Variants in TPR observed in about 807,000 individuals in gnomAD.
TPR encodes translocated promoter region, nuclear basket protein.
Under a neutral mutation model 316.1 loss-of-function variants are expected in TPR, and 51 were observed. The ratio of observed to expected loss-of-function variants is 0.16; its 90% CI spans 0.13 to 0.20. The LOEUF (loss-of-function observed/expected upper bound fraction) is 0.20. Among genes scored for constraint, TPR ranks in the 10% least tolerant of loss-of-function variants. TPR has a pLI of 1.00. For missense variants in TPR, 2,272 were observed against 2,754.8 expected (o/e 0.82, Z 3.92); for synonymous variants, 981 against 914.7 (o/e 1.07, Z -1.31).
intron 17 of TPR, 157 bp from the exon 18 acceptor site, chr1:186,354,007 T>C: frequency 3.4e-6 from 2 of 594,918 alleles, no homozygotes; most frequent in South Asian, 5.5e-5. Flanking sequence ...TTAAGTTGAA[T>C]TCTGCTTAGA....
rs1454058703 is a variant in TPR, at chr1:186,371,049, T to A, written c.257-6A>T. On this transcript the variant is annotated splice_region_variant and splice_polypyrimidine_tract_variant and intron_variant, in intron 2 of 50. Coordinates refer to ENST00000367478, the MANE Select transcript of TPR (RefSeq NM_003292.3). ...TAGTGCCTTCAGTTGATTGTCTGGA[T>A]AAAAGGAATTTTATGAATACATACA... 1 of 1,611,666 alleles carries A rather than the reference T, an allele frequency of 6.2e-7. No homozygotes were observed. Among genetic ancestry groups the A allele is most frequent in the Non-Finnish European group, 8.5e-7 (1 of 1,178,418 alleles).
chr1:186,326,369 G>T, intron 40 of TPR, 134 bp from the exon 41 acceptor site: 1 of 1,343,716 alleles, frequency 7.4e-7, no homozygotes, highest in Non-Finnish European at 1.0e-6. Flanking sequence ...AGTTGTATGG[G>T]ATTAGTACAG....
At position 186,355,806 on chromosome 1, in the gene TPR, C is replaced by T. The variant is rs765786356; in HGVS notation, c.1889-38G>A. The T allele has an allele frequency of 1.0e-5, 16 of 1,605,120 alleles. No individual in the cohort carries two copies. The African/African-American group carries it at 1.8e-4, about 18-fold the overall frequency. On this transcript the variant is annotated intron_variant, in intron 15 of 50. Transcript: ENST00000367478. ...AAAGACTAATAAAATGCTTTGTTGG[C>T]TTTCATAAATCAGCTTTAATCTAAT...
At chr1:186,319,269 G>A (rs1657703816) in intron 46 of TPR, among the ~76,000 whole-genome samples, 1 of 152,142 alleles carries the variant, frequency 6.6e-6, no homozygotes, top group South Asian at 2.1e-4. Context: ...GATTACAAGT[G>A]TGAGCCACTG....
In TPR at chr1:186,312,961, AAATGCTGGCTGC is replaced by A; in HGVS notation, c.*998_*1009del. 1 of 1,503,390 alleles carries A rather than the reference AAATGCTGGCTGC, an allele frequency of 6.7e-7. No homozygotes were observed. Among genetic ancestry groups the A allele is most frequent in the African/African-American group, 1.4e-5 (1 of 72,642 alleles). The allele number at this position is 1,503,390 out of a possible 1,614,324, so 93.1% of individuals were successfully genotyped here. A position where few individuals can be genotyped will look rare whatever the true frequency, so the allele number is the denominator to read the frequency against. The stretch of plus-strand genomic sequence containing the variant: ...TTGTGAAAACATGAAGATAAAGTAA[AAATGCTGGCTGC>A]AATGATGACTGAATGTGAGAAGTTA... On this transcript the variant is annotated 3_prime_UTR_variant, in exon 51 of 51. Coordinates refer to ENST00000367478, the MANE Select transcript of TPR (RefSeq NM_003292.3).
Position 186,347,386 on chromosome 1 carries a change from T to G in TPR, c.2849A>C (p.Asp950Ala), listed in dbSNP as rs754313371. Residue 950 changes from aspartate to alanine, a missense_variant, in exon 22 of 51, where the codon GAC becomes GCC. This residue lies in a region of TPR where 757 missense variants were observed against 859.8 expected (regional missense o/e 0.88). Coordinates refer to ENST00000367478, the MANE Select transcript of TPR (RefSeq NM_003292.3). Reference protein sequence around the residue: ...QLRQTEEQVNDLKERLKTSTS... With the variant: ...QLRQTEEQVNALKERLKTSTS... ...ACTTGTTTTGAGTCTCTCCTTTAAG[T>G]CATTCACCTGCTCTTCTGTCTGTCT... 3.1e-6 allele frequency: 5 copies of G among 1,614,082 alleles called. No homozygotes were observed. In the South Asian group the frequency reaches 5.5e-5, roughly 18 times the overall value.
At chr1:186,315,184 C>T (rs1022910419) in intron 49 of TPR, among the ~76,000 whole-genome samples, 1 of 146,270 alleles carries the variant, frequency 6.8e-6, no homozygotes, top group African/African-American at 2.6e-5. Flanking sequence ...CCCAAAAAAC[C>T]AGGCAGACCA....
intron 21 of TPR, among the ~76,000 whole-genome samples, chr1:186,348,097 TCTGA>T (rs1416574310): frequency 3.9e-5 from 6 of 152,158 alleles, no homozygotes; most frequent in Non-Finnish European, 5.9e-5. Context: ...AACCATAAGG[TCTGA>T]CTGTTTGTGG....
intron 14 of TPR, 44 bp from the exon 15 acceptor site, chr1:186,356,493 T>C: frequency 1.3e-6 from 2 of 1,522,372 alleles, no homozygotes; most frequent in African/African-American, 2.7e-5. Context: ...AACTGAGAGT[T>C]AACTGATTGT....
At chr1:186,324,013 G>T in intron 42 of TPR, 143 bp from the exon 43 acceptor site, 1 of 815,332 alleles carries the variant, frequency 1.2e-6, no homozygotes, top group Non-Finnish European at 1.8e-6. Flanking sequence ...TGTGATGGAA[G>T]CAAATGTGGG....
At position 186,327,440 on chromosome 1, in the gene TPR, T is replaced by A. The variant is rs1329256758; in HGVS notation, c.5889+20A>T. The A allele has an allele frequency of 6.2e-7, 1 of 1,605,596 alleles. No individual in the cohort carries two copies. Reference sequence around the variant, plus strand: ...CATCCAATAGTTTAAAAACACTAGATGATTTCAAATCAAACTTACCTCATG... The same window carrying A: ...CATCCAATAGTTTAAAAACACTAGAAGATTTCAAATCAAACTTACCTCATG... On this transcript the variant is annotated intron_variant, in intron 40 of 50. Coordinates refer to ENST00000367478, the MANE Select transcript of TPR (RefSeq NM_003292.3).
Position 186,370,535 on chromosome 1 carries a change from A to G in TPR, c.330+435T>C, listed in dbSNP as rs114745203. ...TATCTTTTAACACCAAATAAAATGC[A>G]AATTTTAAAAAAGCAATGGCAAAAG... On this transcript the variant is annotated intron_variant, in intron 3 of 50. Coordinates refer to ENST00000367478, the MANE Select transcript of TPR (RefSeq NM_003292.3). Among the ~76,000 whole-genome samples, 1,372 of 152,240 alleles carry G rather than the reference A, an allele frequency of 9.0e-3. 25 individuals are homozygous for G. The highest frequency in any genetic ancestry group is 0.032 in the African/African-American group (1,332 of 41,566).
chr1:186,373,127 C>G (rs1337438464), intron 2 of TPR, among the ~76,000 whole-genome samples: 1 of 152,110 alleles, frequency 6.6e-6, no homozygotes, highest in East Asian at 1.9e-4. Flanking sequence ...GTGGCAAAAG[C>G]AATTTTAATA....
At chr1:186,334,943 A>G in intron 35 of TPR, 125 bp downstream of exon 35, 1 of 955,676 alleles carries the variant, frequency 1.0e-6, no homozygotes, top group Non-Finnish European at 1.5e-6. Flanking sequence ...TGCAGAGAAA[A>G]CAACTCTTTA....
intron 9 of TPR, 93 bp from the exon 10 acceptor site, chr1:186,360,998 G>A (rs1659168800): frequency 8.6e-6 from 11 of 1,285,740 alleles, no homozygotes; most frequent in Non-Finnish European, 1.1e-5. Flanking sequence ...CCCCTCAGCA[G>A]ATAATATTAA....
chr1:186,362,721 T>C, intron 6 of TPR, 116 bp downstream of exon 6: 1 of 925,736 alleles, frequency 1.1e-6, no homozygotes, highest in Non-Finnish European at 1.6e-6. Context: ...TTATTCACAT[T>C]TAACCACTCA....
intron 17 of TPR, among the ~76,000 whole-genome samples, chr1:186,354,457 C>T (rs1658962506): frequency 6.6e-6 from 1 of 151,928 alleles, no homozygotes; most frequent in African/African-American, 2.4e-5. Context: ...TTCTTATGTG[C>T]TTGAAAGCTG....
Position 186,329,332 on chromosome 1 carries a change from G to A in TPR, c.5689-1672C>T, listed in dbSNP as rs114678495. Among the ~76,000 whole-genome samples, 811 of 152,196 alleles carry A rather than the reference G, an allele frequency of 5.3e-3. 4 individuals carry two copies. The highest frequency in any genetic ancestry group is 9.3e-3 in the Non-Finnish European group (635 of 67,996). ...ATGAAAAAGATATCATTTATAGTAC[G>A]CTCTGAATAAGTTATTTAAAATGCT... On this transcript the variant is annotated intron_variant, in intron 39 of 50. Transcript: ENST00000367478.
intron 6 of TPR, 105 bp downstream of exon 6, chr1:186,362,732 T>C (rs1292015827): frequency 9.9e-7 from 1 of 1,005,644 alleles, no homozygotes; most frequent in Admixed American, 3.1e-5. Flanking sequence ...TAACCACTCA[T>C]CTTACAACTA....
Sources: gnomAD v4.1 joint callset for allele counts (sites outside exome capture counted in the v4.1 genomes callset) on GRCh38, gnomAD v4.1.1 for gene constraint, gnomAD v4.1.1 regional missense constraint, MANE v1.5 for transcripts, NCBI Gene and HGNC (gene_info 2026-07-23, HGNC 2026-07-21) for gene names.